The following MTUS2 variants were observed in gnomAD, a reference collection of about 807,000 sequenced individuals.
MTUS2 encodes the protein microtubule-associated tumor suppressor candidate 2.
In MTUS2, 40 loss-of-function variants were observed where a neutral mutation model predicts 114.1. The ratio of observed to expected loss-of-function variants is 0.35; its 90% CI spans 0.27 to 0.46. The LOEUF is 0.46. Among genes scored for constraint, MTUS2 ranks in the 20% least tolerant of loss-of-function variants. The probability of loss-of-function intolerance (pLI) is 1.00; values close to 1 mark genes in which losing one functional copy is unlikely to be tolerated. For missense variants in MTUS2, 1,679 were observed against 1,705.4 expected, an observed-to-expected ratio of 0.98 and a Z score of 0.27; for synonymous variants, 688 against 672.0, an observed-to-expected ratio of 1.02 and a Z score of -0.37.
intron 5 of MTUS2, among the ~76,000 whole-genome samples, chr13:29,237,281 G>GA: frequency 6.6e-6 from 1 of 152,286 alleles, no homozygotes. Flanking sequence ...CTTTACAGAT[G>GA]ATTTTATTTT....
chr13:29,294,633 G>A (rs183833109), intron 6 of MTUS2, among the ~76,000 whole-genome samples: 334 of 152,240 alleles, frequency 2.2e-3, no homozygotes, highest in Non-Finnish European at 3.8e-3. Flanking sequence ...AGCTCATGGG[G>A]CAAAGTTCAA....
chr13:28,853,806 T>C (rs541173068), intron 2 of MTUS2, among the ~76,000 whole-genome samples: 60 of 152,172 alleles, frequency 3.9e-4, no homozygotes, highest in Non-Finnish European at 7.3e-4. Flanking sequence ...TAAAAACAGA[T>C]GATAACTTAA....
Position 29,503,889 on chromosome 13 carries a change from C to T in MTUS2, c.*683C>T, listed in dbSNP as rs1566244239. ...AACATGATGTGAGATCACTATTATTCCATTCGCAAGTTTTAATTATTGATA... is the reference window on the plus strand; with the variant it reads ...AACATGATGTGAGATCACTATTATTTCATTCGCAAGTTTTAATTATTGATA... On this transcript the variant is annotated 3_prime_UTR_variant, in exon 16 of 16. Coordinates refer to ENST00000612955, the MANE Select transcript of MTUS2 (RefSeq NM_001033602.4). 2 of 232,422 alleles carry T rather than the reference C, an allele frequency of 8.6e-6. No homozygotes were observed. Among genetic ancestry groups the T allele is most frequent in the African/African-American group, 2.2e-5 (1 of 45,172 alleles). 14.4% of individuals were successfully genotyped at this position (232,422 alleles called of 1,614,324 possible). A position where few individuals can be genotyped will look rare whatever the true frequency, so the allele number is the denominator to read the frequency against.
At chr13:29,365,775 C>G (rs1263312310) in intron 8 of MTUS2, among the ~76,000 whole-genome samples, 1 of 152,164 alleles carries the variant, frequency 6.6e-6, no homozygotes, top group South Asian at 2.1e-4. Flanking sequence ...CCATCCCACT[C>G]AACCTTTCTA....
chr13:29,065,096 A>G (rs953697828), intron 4 of MTUS2, among the ~76,000 whole-genome samples: 5 of 152,178 alleles, frequency 3.3e-5, no homozygotes, highest in Admixed American at 3.3e-4. Context: ...ATATGCATGC[A>G]TGTGTCTTTA....
rs116031489 is a variant in MTUS2, at chr13:29,014,853, A to G, written c.-242-9604A>G. 4.7e-3 allele frequency among the ~76,000 whole-genome samples: 715 copies of G among 152,338 alleles called. 5 individuals are homozygous for G. The highest frequency in any genetic ancestry group is 0.017 in the African/African-American group (695 of 41,574). Reference sequence around the variant, plus strand: ...CCCCTCGCTGCCACGTACAGGGAGAATGGCTCGTTAGAGAAGCAAGAGCAA... The same window carrying G: ...CCCCTCGCTGCCACGTACAGGGAGAGTGGCTCGTTAGAGAAGCAAGAGCAA... On this transcript the variant is annotated intron_variant, in intron 2 of 15. Transcript: ENST00000612955.
At chr13:29,318,983 C>G (rs1900138905) in intron 6 of MTUS2, among the ~76,000 whole-genome samples, 1 of 152,200 alleles carries the variant, frequency 6.6e-6, no homozygotes, top group African/African-American at 2.4e-5. Flanking sequence ...GCTGGCATTT[C>G]TTTCCCTCCT....
At chr13:29,148,348 G>T (rs957541077) in intron 5 of MTUS2, among the ~76,000 whole-genome samples, 3 of 151,110 alleles carry the variant, frequency 2.0e-5, no homozygotes, top group African/African-American at 7.3e-5. Context: ...TCTTCCTGAT[G>T]CTCTCCCTCT....
chr13:28,847,036 G>T (rs1405046138), intron 2 of MTUS2, among the ~76,000 whole-genome samples: 1 of 152,186 alleles, frequency 6.6e-6, no homozygotes. Context: ...ACAGAGGGCT[G>T]GGTTCATTGT....
chr13:28,826,663 A>G (rs182701414), intron 1 of MTUS2, among the ~76,000 whole-genome samples: 2 of 152,256 alleles, frequency 1.3e-5, no homozygotes, highest in Non-Finnish European at 1.5e-5. Flanking sequence ...AAAAGCCAAC[A>G]TAATGCATTA....
chr13:29,230,323 A>G (rs189463788), intron 5 of MTUS2, among the ~76,000 whole-genome samples: 174 of 152,374 alleles, frequency 1.1e-3, no homozygotes, highest in African/African-American at 4.0e-3. Context: ...TAAATAACTA[A>G]AAATCAAGAG....
At chr13:29,209,117 G>A (rs926250151) in intron 5 of MTUS2, among the ~76,000 whole-genome samples, 2 of 152,074 alleles carry the variant, frequency 1.3e-5, no homozygotes, top group Non-Finnish European at 2.9e-5. Flanking sequence ...AGTGTTAGGT[G>A]TATGTATATT....
intron 2 of MTUS2, among the ~76,000 whole-genome samples, chr13:28,962,277 T>C (rs1883366734): frequency 6.6e-6 from 1 of 152,080 alleles, no homozygotes; most frequent in African/African-American, 2.4e-5. Context: ...CTAGATGTGT[T>C]TTCATCTCTC....
chr13:29,273,085 GC>G (rs1055104000), intron 5 of MTUS2, among the ~76,000 whole-genome samples: 2 of 152,166 alleles, frequency 1.3e-5, no homozygotes, highest in African/African-American at 4.8e-5. Context: ...TCACCTTTAA[GC>G]CCCCATCTCT....
intron 8 of MTUS2, among the ~76,000 whole-genome samples, chr13:29,384,070 T>C (rs1872463600): frequency 6.6e-6 from 1 of 152,224 alleles, no homozygotes; most frequent in South Asian, 2.1e-4. Context: ...GCTTTTTCAG[T>C]GCATTCAGCA....
chr13:29,268,486 C>A (rs1255074819), intron 5 of MTUS2, among the ~76,000 whole-genome samples: 1 of 152,116 alleles, frequency 6.6e-6, no homozygotes, highest in Non-Finnish European at 1.5e-5. Flanking sequence ...CCATTCAGAT[C>A]AAATGCTCTG....
intron 2 of MTUS2, among the ~76,000 whole-genome samples, chr13:28,876,140 C>T (rs771323861): frequency 6.6e-6 from 1 of 152,140 alleles, no homozygotes; most frequent in Non-Finnish European, 1.5e-5. Flanking sequence ...GAGTGTTAGT[C>T]AGTGCACAAT....
At chr13:29,500,585 A>G (rs900310535) in intron 14 of MTUS2, among the ~76,000 whole-genome samples, 42 of 152,102 alleles carry the variant, frequency 2.8e-4, no homozygotes, top group African/African-American at 8.5e-4. Flanking sequence ...GCGTGCTTAC[A>G]TTATTTAGAT....
At chr13:29,136,641 G>C (rs1891989843) in intron 5 of MTUS2, among the ~76,000 whole-genome samples, 1 of 152,196 alleles carries the variant, frequency 6.6e-6, no homozygotes, top group Admixed American at 6.5e-5. Context: ...TGAACACATG[G>C]AGATGCCTAG....
Sources: allele counts gnomAD v4.1 joint callset (sites outside exome capture counted in the v4.1 genomes callset), GRCh38; gene constraint gnomAD v4.1.1; transcripts MANE v1.5; gene names NCBI Gene and HGNC (gene_info 2026-07-23, HGNC 2026-07-21).